XKR4: variants seen among roughly 807,000 people sequenced by gnomAD.
XKR4 encodes the protein XK related 4.
In XKR4, 12 loss-of-function variants were observed where a neutral mutation model predicts 53.9. The ratio of observed to expected loss-of-function variants is 0.22; its 90% CI spans 0.14 to 0.36. XKR4 has a LOEUF of 0.36. Among genes scored for constraint, XKR4 ranks in the 10% least tolerant of loss-of-function variants. The pLI, the probability that XKR4 is intolerant of heterozygous loss-of-function variation, is 1.00. For synonymous variants in XKR4, 354 were observed against 362.4 expected (o/e 0.98, Z 0.26); for missense variants, 799 against 859.5 (o/e 0.93, Z 0.88).
intron 2 of XKR4, among the ~76,000 whole-genome samples, chr8:55,499,722 T>C (rs1806407330): frequency 2.0e-5 from 3 of 152,218 alleles, no homozygotes; most frequent in Admixed American, 2.0e-4. Flanking sequence ...CACACACTAA[T>C]AATACTAATT....
intron 1 of XKR4, among the ~76,000 whole-genome samples, chr8:55,301,110 G>C (rs1819187296): frequency 1.3e-5 from 2 of 150,800 alleles, no homozygotes; most frequent in South Asian, 4.2e-4. Flanking sequence ...TGGTCATTTA[G>C]CATTAGGTGT....
intron 1 of XKR4, among the ~76,000 whole-genome samples, chr8:55,225,547 C>T (rs973530787): frequency 2.6e-5 from 4 of 152,188 alleles, no homozygotes; most frequent in African/African-American, 7.2e-5. Context: ...CATTCTCCTC[C>T]TATGGAGACA....
At position 55,130,229 on chromosome 8, in the gene XKR4, T is replaced by G. The variant is rs558504215; in HGVS notation, c.806+26935T>G. 2.4e-4 allele frequency among the ~76,000 whole-genome samples: 27 copies of G among 114,210 alleles called. No individual in the cohort carries two copies. The South Asian group carries it at 9.9e-3, about 42-fold the overall frequency. The allele number at this position is 114,210 out of a possible 152,430, so 74.9% of individuals were successfully genotyped here. A position where few individuals can be genotyped will look rare whatever the true frequency, so the allele number is the denominator to read the frequency against. ...TAATAAATAGGTAATATGTCAGGTGTTATCTGCTACAAAAAAAGTAATAAA... is the reference window on the plus strand; with the variant it reads ...TAATAAATAGGTAATATGTCAGGTGGTATCTGCTACAAAAAAAGTAATAAA... On this transcript the variant is annotated intron_variant, in intron 1 of 2. Transcript: ENST00000327381.
intron 2 of XKR4, among the ~76,000 whole-genome samples, chr8:55,415,779 T>C (rs1585562805): frequency 6.6e-6 from 1 of 152,224 alleles, no homozygotes; most frequent in Admixed American, 6.5e-5. Flanking sequence ...TAGATCATTG[T>C]CTTGCGAGTT....
At chr8:55,421,597 C>G (rs548000120) in intron 2 of XKR4, among the ~76,000 whole-genome samples, 2 of 152,292 alleles carry the variant, frequency 1.3e-5, no homozygotes. Context: ...CAATAACAGT[C>G]ATTGAAAATT....
chr8:55,441,986 A>C (rs1398370626), intron 2 of XKR4, among the ~76,000 whole-genome samples: 2 of 152,044 alleles, frequency 1.3e-5, no homozygotes, highest in African/African-American at 4.8e-5. Flanking sequence ...AATAGAAAAA[A>C]ATGAGATTAT....
At chr8:55,410,127 AG>A (rs1340631641) in intron 2 of XKR4, among the ~76,000 whole-genome samples, 2 of 151,416 alleles carry the variant, frequency 1.3e-5, no homozygotes, top group African/African-American at 4.9e-5. Flanking sequence ...AAATGGTAAA[AG>A]TTCTCCCTCT....
intron 1 of XKR4, among the ~76,000 whole-genome samples, chr8:55,105,384 G>T (rs970638528): frequency 6.6e-6 from 1 of 151,896 alleles, no homozygotes; most frequent in Non-Finnish European, 1.5e-5. Context: ...GGGATGGAAG[G>T]GTAAGGTTTG....
chr8:55,367,722 A>G (rs200585746), intron 2 of XKR4, among the ~76,000 whole-genome samples: 1 of 152,106 alleles, frequency 6.6e-6, no homozygotes, highest in East Asian at 1.9e-4. Flanking sequence ...ATCAAACTGA[A>G]AAGTATCTTT....
In XKR4 at chr8:55,523,976, G is replaced by A. The variant is rs754323633; in HGVS notation, c.1702G>A (p.Gly568Arg). Residue 568 changes from glycine (G) to arginine (R), a missense_variant, in exon 3 of 3, where the codon GGG becomes AGG. Physicochemically the swap from Gly to Arg is moderately radical, Grantham distance 125. Around this residue, in one of 3 missense-constraint regions of XKR4, gnomAD observed 269 missense variants for 264.4 expected, o/e 1.02. Transcript: ENST00000327381. ...CGATCAGAAATTCGCAGAGCGGGAT[G>A]GGTGTGTACCTGTCTTTCAAGTGAG... is the stretch of plus-strand genomic sequence containing the variant. The part of the protein sequence containing the change: ...DRDQKFAERD[G>R]CVPVFQVRPT... 1 of 1,614,166 alleles carries A rather than the reference G, an allele frequency of 6.2e-7. No individual in the cohort carries two copies. The highest frequency in any genetic ancestry group is 2.2e-5 in the East Asian group (1 of 44,858).
intron 1 of XKR4, among the ~76,000 whole-genome samples, chr8:55,160,679 T>C (rs1387490356): frequency 6.6e-6 from 1 of 152,184 alleles, no homozygotes; most frequent in African/African-American, 2.4e-5. Flanking sequence ...TGTTGTTATA[T>C]TCGGTTGAAC....
intron 2 of XKR4, among the ~76,000 whole-genome samples, chr8:55,395,641 A>C (rs1331453951): frequency 6.6e-6 from 1 of 152,152 alleles, no homozygotes; most frequent in Non-Finnish European, 1.5e-5. Context: ...CATTCACCAG[A>C]ATGTGTGGGA....
intron 1 of XKR4, among the ~76,000 whole-genome samples, chr8:55,208,279 C>T (rs1410187885): frequency 6.6e-6 from 1 of 152,216 alleles, no homozygotes; most frequent in Non-Finnish European, 1.5e-5. Context: ...GTCCATAAAA[C>T]CCAATTCGCT....
intron 1 of XKR4, among the ~76,000 whole-genome samples, chr8:55,119,634 A>G (rs1816363878): frequency 6.6e-6 from 1 of 152,226 alleles, no homozygotes; most frequent in Admixed American, 6.5e-5. Flanking sequence ...ACACTCAGAC[A>G]TGTATTTTCA....
chr8:55,487,068 T>A (rs1432225152), intron 2 of XKR4, among the ~76,000 whole-genome samples: 1 of 152,204 alleles, frequency 6.6e-6, no homozygotes, highest in African/African-American at 2.4e-5. Flanking sequence ...TGACAGACTG[T>A]CTGCAAGCTG....
intron 1 of XKR4, among the ~76,000 whole-genome samples, chr8:55,154,802 G>A (rs944629471): frequency 3.3e-5 from 5 of 152,108 alleles, no homozygotes; most frequent in Non-Finnish European, 5.9e-5. Context: ...CATAGAAAGT[G>A]GTTATAATTA....
intron 2 of XKR4, among the ~76,000 whole-genome samples, chr8:55,407,299 G>A (rs1016193490): frequency 2.6e-5 from 4 of 152,188 alleles, no homozygotes; most frequent in Admixed American, 2.0e-4. Context: ...GGTGTGAAGC[G>A]GGGCTTTCGC....
chr8:55,406,161 T>G (rs1804679208), intron 2 of XKR4, among the ~76,000 whole-genome samples: 1 of 152,182 alleles, frequency 6.6e-6, no homozygotes. Flanking sequence ...TAAAATTTAT[T>G]TAATTAATAT....
chr8:55,223,697 T>C (rs980461429), intron 1 of XKR4, among the ~76,000 whole-genome samples: 1 of 152,164 alleles, frequency 6.6e-6, no homozygotes, highest in Non-Finnish European at 1.5e-5. Flanking sequence ...TGTTAGTTGA[T>C]TGAATATAGG....
Sources: gnomAD v4.1 joint callset for allele counts (sites outside exome capture counted in the v4.1 genomes callset) on GRCh38, gnomAD v4.1.1 for gene constraint, gnomAD v4.1.1 regional missense constraint, MANE v1.5 for transcripts, NCBI Gene and HGNC (gene_info 2026-07-23, HGNC 2026-07-21) for gene names.